PRKCH: variants seen among roughly 807,000 people sequenced by gnomAD.
PRKCH encodes the protein protein kinase C eta, also known as protein kinase C eta type.
A neutral mutation model predicts 82.5 loss-of-function variants in PRKCH; 28 were observed. The ratio of observed to expected loss-of-function variants is 0.34; its 90% CI spans 0.25 to 0.47. PRKCH has a LOEUF of 0.47. Among genes scored for constraint, PRKCH ranks in the 20% least tolerant of loss-of-function variants. The pLI, the probability that PRKCH is intolerant of heterozygous loss-of-function variation, is 1.00. For synonymous variants in PRKCH, 322 were observed against 327.4 expected (o/e 0.98, Z 0.18); for missense variants, 705 against 881.8 (o/e 0.80, Z 2.54).
At chr14:61,378,675 C>T (rs1162874376) in intron 1 of PRKCH, among the ~76,000 whole-genome samples, 1 of 152,168 alleles carries the variant, frequency 6.6e-6, no homozygotes, top group East Asian at 1.9e-4. Context: ...TTTGTCTTTC[C>T]TCCAGTTCTG....
At chr14:61,315,222 T>C (rs930527472) in intron 1 of PRKCH, among the ~76,000 whole-genome samples, 2 of 152,150 alleles carry the variant, frequency 1.3e-5, no homozygotes, top group African/African-American at 4.8e-5. Context: ...TCCTGCTTGC[T>C]GAGAGTCTCA....
chr14:61,379,622 T>C (rs1366771711), intron 1 of PRKCH, among the ~76,000 whole-genome samples: 2 of 152,236 alleles, frequency 1.3e-5, no homozygotes, highest in Non-Finnish European at 2.9e-5. Context: ...ATCTTCAGTG[T>C]GTTAAGACAT....
At chr14:61,291,832 G>GA (rs773545451) in intron 1 of PRKCH, among the ~76,000 whole-genome samples, 1 of 152,160 alleles carries the variant, frequency 6.6e-6, no homozygotes, top group Non-Finnish European at 1.5e-5. Context: ...TGGGAGTGGG[G>GA]ATGGGGAATC....
intron 2 of PRKCH, among the ~76,000 whole-genome samples, chr14:61,440,045 G>T (rs186123100): frequency 1.3e-5 from 2 of 152,310 alleles, no homozygotes; most frequent in Admixed American, 1.3e-4. Context: ...ATCTATACAT[G>T]ATAAGTGTTT....
At chr14:61,285,358 A>C (rs1418945564) in intron 1 of PRKCH, among the ~76,000 whole-genome samples, 1 of 152,226 alleles carries the variant, frequency 6.6e-6, no homozygotes, top group Admixed American at 6.5e-5. Context: ...TGGATAGGGG[A>C]AAGAATGCTG....
At chr14:61,328,553 A>G (rs1049442737) in intron 1 of PRKCH, among the ~76,000 whole-genome samples, 5 of 152,134 alleles carry the variant, frequency 3.3e-5, no homozygotes, top group Non-Finnish European at 7.3e-5. Flanking sequence ...TGCAACTCTT[A>G]GTGAAGTTTT....
At chr14:61,489,858 A>G (rs957269146) in intron 10 of PRKCH, among the ~76,000 whole-genome samples, 1 of 152,238 alleles carries the variant, frequency 6.6e-6, no homozygotes, top group Non-Finnish European at 1.5e-5. Flanking sequence ...CATCAACTGT[A>G]TTAAAGGGAA....
chr14:61,411,996 A>C (rs1412802602), intron 2 of PRKCH, among the ~76,000 whole-genome samples: 1 of 152,226 alleles, frequency 6.6e-6, no homozygotes, highest in Non-Finnish European at 1.5e-5. Context: ...GGGAATAACT[A>C]ACCCAACTGA....
chr14:61,469,194 C>T (rs541730029), intron 9 of PRKCH, among the ~76,000 whole-genome samples: 31 of 152,148 alleles, frequency 2.0e-4, no homozygotes, highest in Non-Finnish European at 3.5e-4. Context: ...GCCTTGGCCT[C>T]CCAAAGTATT....
chr14:61,214,622 T>C (rs2044604403), intron 1 of PRKCH, among the ~76,000 whole-genome samples: 1 of 152,120 alleles, frequency 6.6e-6, no homozygotes, highest in South Asian at 2.1e-4. Flanking sequence ...TGGTGAGGAC[T>C]CTTCCTGGGG....
chr14:61,187,583 G>A (rs1374897692), exon 1 of PRKCH: 1 of 152,798 alleles, frequency 6.5e-6, no homozygotes, highest in Non-Finnish European at 1.5e-5. Context: ...TTATCGGGGT[G>A]TAATGCCTGC....
chr14:61,368,624 T>G (rs971645805), intron 1 of PRKCH, among the ~76,000 whole-genome samples: 2 of 152,160 alleles, frequency 1.3e-5, no homozygotes, highest in African/African-American at 4.8e-5. Flanking sequence ...AAAACAGAGC[T>G]GGCACTGATC....
chr14:61,326,887 C>A, intron 1 of PRKCH: 1 of 222,494 alleles, frequency 4.5e-6, no homozygotes, highest in Non-Finnish European at 9.4e-6. Flanking sequence ...ATTTCTCTGG[C>A]TTCCAAAATC....
Position 61,209,379 on chromosome 14 carries a change from T to C in PRKCH, c.-19+21711T>C, listed in dbSNP as rs115957210. Among the ~76,000 whole-genome samples the C allele has an allele frequency of 1.1e-3, 163 of 143,600 alleles. 3 individuals are homozygous for C. Among genetic ancestry groups the C allele is most frequent in the African/African-American group, 4.0e-3 (159 of 39,414 alleles). The allele number at this position is 143,600 out of a possible 152,430, so 94.2% of individuals were successfully genotyped here. A position where few individuals can be genotyped will look rare whatever the true frequency, so the allele number is the denominator to read the frequency against. On this transcript the variant is annotated intron_variant, in intron 1 of 3. Coordinates refer to the PRKCH transcript ENST00000555185. ...AGAAGGCCCTCATCAGCAACTCAAC[T>C]ATACTGGCACCAAGATCTTGGATTC...
chr14:61,453,478 G>T, intron 7 of PRKCH, 125 bp downstream of exon 7: 2 of 949,558 alleles, frequency 2.1e-6, no homozygotes, highest in South Asian at 2.6e-5. Context: ...CAGACTTATT[G>T]CCTTTCTTTC....
chr14:61,502,757 C>G (rs1886973681), intron 10 of PRKCH, among the ~76,000 whole-genome samples: 1 of 152,116 alleles, frequency 6.6e-6, no homozygotes, highest in Non-Finnish European at 1.5e-5. Flanking sequence ...AGCCCCAAAT[C>G]TTGCAAATGA....
intron 10 of PRKCH, among the ~76,000 whole-genome samples, chr14:61,504,208 TGA>T (rs1887039593): frequency 6.6e-6 from 1 of 151,472 alleles, no homozygotes; most frequent in Non-Finnish European, 1.5e-5. Flanking sequence ...TTTTTTTTCT[TGA>T]GAGAGTCTCG....
At chr14:61,268,623 G>A (rs899901234) in intron 1 of PRKCH, among the ~76,000 whole-genome samples, 1 of 152,128 alleles carries the variant, frequency 6.6e-6, no homozygotes, top group Non-Finnish European at 1.5e-5. Flanking sequence ...AGCCGAGATC[G>A]TACCATTGCA....
chr14:61,273,938 A>T (rs188882407), intron 1 of PRKCH, among the ~76,000 whole-genome samples: 1 of 152,366 alleles, frequency 6.6e-6, no homozygotes, highest in Non-Finnish European at 1.5e-5. Context: ...TGGTTATGGT[A>T]CTTGGCACTG....
Sources: allele counts gnomAD v4.1 joint callset (sites outside exome capture counted in the v4.1 genomes callset), GRCh38; gene constraint gnomAD v4.1.1; transcripts MANE v1.5; gene names NCBI Gene and HGNC (gene_info 2026-07-23, HGNC 2026-07-21).